HTR2C: variants seen among roughly 807,000 people sequenced by gnomAD.
HTR2C encodes the protein 5-hydroxytryptamine (serotonin) receptor 2C, G protein-coupled.
A neutral mutation model predicts 21.0 loss-of-function variants in HTR2C; 5 were observed. That is an observed-to-expected ratio of 0.24 (90% CI 0.12 to 0.50). The LOEUF is 0.50. Ranked by LOEUF, HTR2C falls within the 20% of genes least tolerant of loss-of-function variation. The pLI is 0.98. For synonymous variants in HTR2C, 150 were observed against 145.3 expected (o/e 1.03, Z -0.23); for missense variants, 271 against 371.2 (o/e 0.73, Z 2.22).
intron 4 of HTR2C, among the ~76,000 whole-genome samples, chrX:114,813,388 C>T (rs781851999): frequency 1.8e-5 from 2 of 111,825 alleles, no homozygotes; most frequent in East Asian, 5.6e-4. Context: ...TACCAAGATA[C>T]AGTCCAAATT....
intron 2 of HTR2C, among the ~76,000 whole-genome samples, chrX:114,644,235 A>G (rs782136376): frequency 1.9e-5 from 2 of 103,627 alleles, no homozygotes; most frequent in South Asian, 8.9e-4. Context: ...AATCCTAGCT[A>G]CTCAGGAGGC....
At chrX:114,658,143 T>TA (rs1366658022) in intron 2 of HTR2C, among the ~76,000 whole-genome samples, 1 of 111,892 alleles carries the variant, frequency 8.9e-6, no homozygotes, top group African/African-American at 3.2e-5. Context: ...TTTTAATTTT[T>TA]ATCTACATTT....
chrX:114,850,202 A>G (rs2070905721), intron 5 of HTR2C, among the ~76,000 whole-genome samples: 1 of 110,910 alleles, frequency 9.0e-6, no homozygotes, highest in Admixed American at 9.6e-5. Flanking sequence ...TGTGGCCAGG[A>G]GTTCAAGACT....
chrX:114,668,569 A>G (rs782206141), intron 2 of HTR2C, among the ~76,000 whole-genome samples: 2 of 111,528 alleles, frequency 1.8e-5, no homozygotes, highest in Non-Finnish European at 3.8e-5. Flanking sequence ...AACCTGAAAA[A>G]GCATAGATGG....
chrX:114,794,836 A>T (rs1316709905), intron 4 of HTR2C, among the ~76,000 whole-genome samples: 2 of 109,766 alleles, frequency 1.8e-5, no homozygotes, highest in East Asian at 2.9e-4. Context: ...ACAATAAACA[A>T]ACGTGTGCAT....
chrX:114,683,850 A>C (rs1931829593), intron 2 of HTR2C, among the ~76,000 whole-genome samples: 1 of 111,937 alleles, frequency 8.9e-6, no homozygotes, highest in African/African-American at 3.2e-5. Context: ...AATTTCAGAC[A>C]ATGCGACCTA....
At chrX:114,847,594 T>A (rs868982824) in intron 4 of HTR2C, among the ~76,000 whole-genome samples, 4 of 101,836 alleles carry the variant, frequency 3.9e-5, no homozygotes, top group East Asian at 3.2e-4. Context: ...TAATAATAAT[T>A]AAAAAAAAAA....
At chrX:114,632,152 C>T (rs1206780571) in intron 2 of HTR2C, among the ~76,000 whole-genome samples, 1 of 112,244 alleles carries the variant, frequency 8.9e-6, no homozygotes, top group Non-Finnish European at 1.9e-5. Context: ...AAACAAGGTA[C>T]TGTTTTACGT....
rs1038932087 is a variant in HTR2C, at chrX:114,622,774, G to A, written c.-80+8893G>A. Among the ~76,000 whole-genome samples the A allele has an allele frequency of 3.6e-5, 4 of 112,001 alleles. No homozygotes were observed. In the South Asian group the frequency reaches 1.5e-3, roughly 41 times the overall value. On this transcript the variant is annotated intron_variant, in intron 2 of 5. Transcript: ENST00000276198. ...CCCCTGGTAAAAAGTGGGAAGCAGA[G>A]CAAAGGGAGAATTTCCGCTTTTCCA... is the stretch of plus-strand genomic sequence containing the variant.
chrX:114,724,623 C>G (rs1375072505), intron 2 of HTR2C, among the ~76,000 whole-genome samples: 3 of 97,581 alleles, frequency 3.1e-5, no homozygotes, highest in African/African-American at 1.1e-4. Flanking sequence ...ATGGTCTTTA[C>G]AATTTGGCAT....
chrX:114,904,774 A>G (rs943423486), intron 5 of HTR2C, among the ~76,000 whole-genome samples: 3 of 111,535 alleles, frequency 2.7e-5, no homozygotes, highest in African/African-American at 9.8e-5. Context: ...TATTAAGGTT[A>G]AGCCAACACT....
In HTR2C at chrX:114,680,871, T is replaced by A. The variant is rs1931723580; in HGVS notation, c.-79-45987T>A. On this transcript the variant is annotated intron_variant, in intron 2 of 5. Coordinates refer to ENST00000276198, the MANE Select transcript of HTR2C (RefSeq NM_000868.4). ...TATTTAAAGCAACATTTAATGTTAA[T>A]TTTTTTTAAATTATATGTCCCTTTA... is the stretch of plus-strand genomic sequence containing the variant. 2.7e-5 allele frequency among the ~76,000 whole-genome samples: 3 copies of A among 111,466 alleles called. No homozygotes were observed. In the South Asian group the frequency reaches 1.1e-3, roughly 42 times the overall value.
intron 3 of HTR2C, 60 bp from the exon 4 acceptor site, chrX:114,731,234 C>A (rs781917038): frequency 2.5e-6 from 2 of 806,498 alleles, no homozygotes; most frequent in Non-Finnish European, 3.6e-6. Context: ...GCATGAGCAA[C>A]GTATTGTGTA....
At chrX:114,864,065 CTCTTTT>C (rs1302145061) in intron 5 of HTR2C, among the ~76,000 whole-genome samples, 1 of 24,457 alleles carries the variant, frequency 4.1e-5, no homozygotes, top group Non-Finnish European at 7.6e-5. Flanking sequence ...ACATAGTTGG[CTCTTTT>C]TTTTTTTTTC....
In HTR2C at chrX:114,861,935, A is replaced by G. The variant is rs73573319; in HGVS notation, c.550+13732A>G. Among the ~76,000 whole-genome samples the G allele has an allele frequency of 5.0e-3, 553 of 111,504 alleles. 2 individuals carry two copies. The highest frequency in any genetic ancestry group is 0.017 in the African/African-American group (532 of 30,862). On this transcript the variant is annotated intron_variant, in intron 5 of 5. Coordinates refer to ENST00000276198, the MANE Select transcript of HTR2C (RefSeq NM_000868.4). ...ATTTTTTTCTCAATTCATAGGAACC[A>G]TTTCATCTTGTGGATTATTTCCTTC...
At chrX:114,858,055 T>G (rs2070977311) in intron 5 of HTR2C, among the ~76,000 whole-genome samples, 1 of 111,149 alleles carries the variant, frequency 9.0e-6, no homozygotes, top group Non-Finnish European at 1.9e-5. Flanking sequence ...TCTGTTCTAT[T>G]GATCTAATAT....
At chrX:114,877,829 A>C (rs1038423784) in intron 5 of HTR2C, among the ~76,000 whole-genome samples, 1 of 110,858 alleles carries the variant, frequency 9.0e-6, no homozygotes, top group Admixed American at 9.6e-5. Flanking sequence ...TATTTGATAC[A>C]ATTTCAATCT....
chrX:114,629,914 T>G (rs1929537763), intron 2 of HTR2C, among the ~76,000 whole-genome samples: 1 of 111,254 alleles, frequency 9.0e-6, no homozygotes, highest in South Asian at 3.8e-4. Context: ...ATTAGAGTAG[T>G]GCTTGGTTCA....
intron 2 of HTR2C, among the ~76,000 whole-genome samples, chrX:114,664,366 CCCTCCTCCTTCCCCA>C (rs1931101132): frequency 8.9e-6 from 1 of 111,790 alleles, no homozygotes; most frequent in African/African-American, 3.2e-5. Context: ...CTGATGCTTT[CCCTCCTCCTTCCCCA>C]CCTCCAGACT....
Sources: allele counts gnomAD v4.1 joint callset (sites outside exome capture counted in the v4.1 genomes callset), GRCh38; gene constraint gnomAD v4.1.1; transcripts MANE v1.5; gene names NCBI Gene and HGNC (gene_info 2026-07-23, HGNC 2026-07-21).